CCDC117: variants seen among roughly 807,000 people sequenced by gnomAD.
CCDC117 encodes the protein coiled-coil domain-containing protein 117.
A neutral mutation model predicts 23.5 loss-of-function variants in CCDC117; 1 was observed. That is an observed-to-expected ratio of 0.04 (90% CI 0.02 to 0.20). The LOEUF is 0.20. Ranked by LOEUF, CCDC117 falls within the 10% of genes least tolerant of loss-of-function variation. The pLI, the probability that CCDC117 is intolerant of heterozygous loss-of-function variation, is 1.00. For synonymous variants in CCDC117, 132 were observed against 124.8 expected (o/e 1.06, Z -0.39); for missense variants, 383 against 348.2 (o/e 1.10, Z -0.80).
intron 2 of CCDC117, among the ~76,000 whole-genome samples, chr22:28,778,872 C>T (rs374462403): frequency 2.6e-5 from 4 of 152,148 alleles, no homozygotes; most frequent in East Asian, 1.9e-4. Flanking sequence ...GACCTACAGG[C>T]ATGAAATAAC....
rs2031586106 is a variant in CCDC117 at position 28,788,651 on chromosome 22, ATCT to A, written c.*2330_*2332del. 3 of 152,614 alleles carry A rather than the reference ATCT, an allele frequency of 2.0e-5. No homozygotes were observed. Among genetic ancestry groups the A allele is most frequent in the Non-Finnish European group, 2.9e-5 (2 of 68,022 alleles). The allele number at this position is 152,614 out of a possible 1,614,324, so 9.5% of individuals were successfully genotyped here. A position where few individuals can be genotyped will look rare whatever the true frequency, so the allele number is the denominator to read the frequency against. The stretch of plus-strand genomic sequence containing the variant: ...TGTTTTATGTTCTTTTTTGGACTTT[ATCT>A]TCTTGCAAAAATTTCTACAAAAATT... On this transcript the variant is annotated 3_prime_UTR_variant, in exon 5 of 5. Coordinates refer to ENST00000249064, the MANE Select transcript of CCDC117 (RefSeq NM_173510.4).
intron 3 of CCDC117, among the ~76,000 whole-genome samples, chr22:28,782,171 C>G (rs1056005565): frequency 6.6e-6 from 1 of 150,724 alleles, no homozygotes; most frequent in African/African-American, 2.4e-5. Flanking sequence ...TTCCTGGGCT[C>G]GAGCAAGCCG....
chr22:28,785,447 CAAAGTGCTAGGA>C (rs2031483422), intron 4 of CCDC117, among the ~76,000 whole-genome samples: 1 of 152,156 alleles, frequency 6.6e-6, no homozygotes, highest in Admixed American at 6.6e-5. Flanking sequence ...CTTGGCCTCC[CAAAGTGCTAGGA>C]TTACAGGCAT....
chr22:28,786,135 C>A lies in CCDC117; in HGVS notation c.649C>A (p.Leu217Ile), dbSNP rs2146256912. Residue 217 changes from leucine (L) to isoleucine (I), a missense_variant, in exon 5 of 5, where the codon CTC (leucine) becomes ATC (isoleucine). Physicochemically the swap from Leu to Ile is conservative, Grantham distance 5. Coordinates refer to ENST00000249064, the MANE Select transcript of CCDC117 (RefSeq NM_173510.4). ...ELVLWKPLPE[L>I]LSDKPKPSSN... ...TGTTCTCTGGAAACCCCTCCCTGAA[C>A]TCCTTTCTGATAAGCCAAAGCCATC... 2 of 1,614,032 alleles carry A rather than the reference C, an allele frequency of 1.2e-6. No individual in the cohort carries two copies. The highest frequency in any genetic ancestry group is 1.7e-6 in the Non-Finnish European group (2 of 1,179,978).
chr22:28,785,177 C>CTTGTTTTGTT (rs57485961), intron 4 of CCDC117, among the ~76,000 whole-genome samples: 16,122 of 151,196 alleles, frequency 0.11, 1,405 homozygotes, highest in East Asian at 0.27. Context: ...AACCATGAAG[C>CTTGTTTTGTT]TTGTTTTGTT....
intron 3 of CCDC117, among the ~76,000 whole-genome samples, chr22:28,782,064 A>G (rs2031357132): frequency 1.3e-5 from 2 of 150,722 alleles, no homozygotes; most frequent in Admixed American, 6.6e-5. Flanking sequence ...CAGCCTCCCA[A>G]GTGGCTGGGA....
At chr22:28,781,891 T>C (rs2031348661) in intron 3 of CCDC117, among the ~76,000 whole-genome samples, 3 of 142,746 alleles carry the variant, frequency 2.1e-5, no homozygotes, top group Non-Finnish European at 1.6e-5. Flanking sequence ...GATCCCCCTG[T>C]CTCGGCCTCC....
In CCDC117 at chr22:28,786,271, CTCTT is replaced by C. The variant is rs1569200916; in HGVS notation, c.787_790del (p.Leu263IlefsTer23). 3 of 1,614,036 alleles carry C rather than the reference CTCTT, an allele frequency of 1.9e-6. No individual in the cohort carries two copies. The highest frequency in any genetic ancestry group is 1.7e-6 in the Non-Finnish European group (2 of 1,180,036). On this transcript the variant is annotated frameshift_variant, in exon 5 of 5. Transcript: ENST00000249064. LOFTEE classifies it high-confidence loss of function. ...TCGGAACCTCGGCCAACAGGGATGT[CTCTT>C]TATAATAGTTTGGAGACAGCTACTA...
chr22:28,780,813 A>G (rs989663000), intron 2 of CCDC117, 135 bp from the exon 3 acceptor site: 2 of 635,190 alleles, frequency 3.1e-6, no homozygotes, highest in South Asian at 4.0e-5. Flanking sequence ...AATACGCAGT[A>G]TTTTCCATCT....
At chr22:28,782,517 C>A (rs962145270) in intron 3 of CCDC117, among the ~76,000 whole-genome samples, 2 of 152,106 alleles carry the variant, frequency 1.3e-5, no homozygotes, top group African/African-American at 4.8e-5. Context: ...CAGCTCATTG[C>A]AATCTCCACC....
rs1375361303 is a variant in CCDC117, at chr22:28,781,168, G to A, written c.460G>A (p.Asp154Asn). Residue 154 changes from aspartate to asparagine, a missense_variant, in exon 3 of 5, where the codon GAC becomes AAC. Asp to Asn is a conservative substitution (Grantham distance 23). Coordinates refer to ENST00000249064, the MANE Select transcript of CCDC117 (RefSeq NM_173510.4). ...CCGAAGGAAGCTTCAGGAGATTGAGGACAGGTAAATGGGCAGTGTATATAG... is the reference window on the plus strand; with the variant it reads ...CCGAAGGAAGCTTCAGGAGATTGAGAACAGGTAAATGGGCAGTGTATATAG... ...VARRKLQEIE[D>N]RIIDEDEEVE... 3.7e-6 allele frequency: 6 copies of A among 1,607,326 alleles called. No homozygotes were observed. The highest frequency in any genetic ancestry group is 5.1e-6 in the Non-Finnish European group (6 of 1,174,522).
Position 28,781,598 on chromosome 22 carries a change from G to A in CCDC117, c.464+426G>A, listed in dbSNP as rs1229778334. Among the ~76,000 whole-genome samples the A allele has an allele frequency of 4.6e-4, 25 of 53,966 alleles. 5 individuals carry two copies. Among genetic ancestry groups the A allele is most frequent in the African/African-American group, 1.5e-3 (8 of 5,188 alleles). 35.4% of individuals were successfully genotyped at this position (53,966 alleles called of 152,430 possible). On this transcript the variant is annotated intron_variant, in intron 3 of 4. Coordinates refer to ENST00000249064, the MANE Select transcript of CCDC117 (RefSeq NM_173510.4). ...GATCTCTTGACCTCGTGATCCGCCCGCCTCGGCCTCCCAAAGTGCTGGGAT... is the reference window on the plus strand; with the variant it reads ...GATCTCTTGACCTCGTGATCCGCCCACCTCGGCCTCCCAAAGTGCTGGGAT...
Position 28,781,069 on chromosome 22 carries a change from T to A in CCDC117, c.361T>A (p.Ser121Thr). Residue 121 changes from serine to threonine, a missense_variant, in exon 3 of 5, where the codon TCC becomes ACC. By Grantham distance (58) the Ser-to-Thr change is moderately conservative. Transcript: ENST00000249064. Reference sequence around the variant, plus strand: ...AGTAAATCCCAGTGTTAGTGGCCTTTCCATACCTGGGATATTAGATGTTAT... The same window carrying A: ...AGTAAATCCCAGTGTTAGTGGCCTTACCATACCTGGGATATTAGATGTTAT... Reference protein sequence around the residue: ...HGVNPSVSGLSIPGILDVICE... With the variant: ...HGVNPSVSGLTIPGILDVICE... 1 of 1,613,942 alleles carries A rather than the reference T, an allele frequency of 6.2e-7. No homozygotes were observed. The highest frequency in any genetic ancestry group is 1.1e-5 in the South Asian group (1 of 91,082).
intron 4 of CCDC117, among the ~76,000 whole-genome samples, 180 bp from the exon 5 acceptor site, chr22:28,785,909 C>G (rs1468424899): frequency 6.8e-6 from 1 of 146,178 alleles, no homozygotes; most frequent in Non-Finnish European, 1.5e-5. Context: ...GACAACACAG[C>G]AAGACCCCAT....
At chr22:28,783,752 C>G in intron 4 of CCDC117, 107 bp downstream of exon 4, 3 of 1,026,720 alleles carry the variant, frequency 2.9e-6, no homozygotes, top group Non-Finnish European at 4.3e-6. Flanking sequence ...CTCCTGATCC[C>G]CAGGCAATTG....
At chr22:28,782,868 G>A (rs5752796) in intron 3 of CCDC117, among the ~76,000 whole-genome samples, 17,216 of 152,186 alleles carry the variant, frequency 0.11, 1,167 homozygotes, top group South Asian at 0.28. Flanking sequence ...CACCACGCCC[G>A]GCCCCGAAGT....
Position 28,774,258 on chromosome 22 carries a change from G to A in CCDC117, c.239+480G>A, listed in dbSNP as rs370159024. ...ATTTTTTTTTTTTTTTAGTAGAGAC[G>A]GGGTTTCACTGTGTTAGCCAGGGTG... On this transcript the variant is annotated intron_variant, in intron 2 of 4. Transcript: ENST00000249064. Among the ~76,000 whole-genome samples the A allele has an allele frequency of 1.1e-3, 172 of 151,278 alleles. 1 individual carries two copies. Among genetic ancestry groups the A allele is most frequent in the African/African-American group, 3.9e-3 (161 of 41,278 alleles).
At position 28,787,143 on chromosome 22, in the gene CCDC117, C is replaced by T. The variant is rs1236744491; in HGVS notation, c.*817C>T. On this transcript the variant is annotated 3_prime_UTR_variant, in exon 5 of 5. Transcript: ENST00000249064. The stretch of plus-strand genomic sequence containing the variant: ...AAGGAAGTGCTTTATCAGCTAAACC[C>T]AACATTGATAACTTTGGTAATTTTT... 6.6e-6 allele frequency: 1 copy of T among 152,414 alleles called. No homozygotes were observed. The allele number at this position is 152,414 out of a possible 1,614,324, so 9.4% of individuals were successfully genotyped here. A position where few individuals can be genotyped will look rare whatever the true frequency, so the allele number is the denominator to read the frequency against.
intron 2 of CCDC117, among the ~76,000 whole-genome samples, chr22:28,779,069 TCTC>T (rs71758825): frequency 0.034 from 5,208 of 152,142 alleles, 162 homozygotes; most frequent in South Asian, 0.11. Flanking sequence ...GCTCAAGTGA[TCTC>T]CTCCCTCAGC....
Sources: allele counts gnomAD v4.1 joint callset (sites outside exome capture counted in the v4.1 genomes callset), GRCh38; gene constraint gnomAD v4.1.1; transcripts MANE v1.5; gene names NCBI Gene and HGNC (gene_info 2026-07-23, HGNC 2026-07-21).